IGSF10: variants seen among roughly 807,000 people sequenced by gnomAD.
The protein encoded by IGSF10 is calvaria mechanical force protein 608.
A neutral mutation model predicts 128.2 loss-of-function variants in IGSF10; 126 were observed. The observed-to-expected ratio is 0.98, with a 90% confidence interval of 0.85 to 1.14. The LOEUF is 1.14. Among genes scored for constraint, IGSF10 ranks in the 50% most tolerant of loss-of-function variants. The pLI is 0.00. For missense variants in IGSF10, 3,295 were observed against 3,149.8 expected (o/e 1.05, Z -1.10); for synonymous variants, 1,185 against 1,146.2 (o/e 1.03, Z -0.68).
At chr3:151,556,030 A>C in the IGSF10 span, among the ~76,000 whole-genome samples, 1 of 152,214 alleles carries the variant, frequency 6.6e-6, no homozygotes, top group African/African-American at 2.4e-5. Flanking sequence ...CACTACTTGT[A>C]TATGAGCAGT....
intron 7 of IGSF10, among the ~76,000 whole-genome samples, chr3:151,439,418 G>T (rs1186154384): frequency 6.6e-6 from 1 of 152,162 alleles, no homozygotes; most frequent in Non-Finnish European, 1.5e-5. Flanking sequence ...TTTGAGACTA[G>T]CCTGGCCAAC....
chr3:151,502,796 G>A, the IGSF10 span, among the ~76,000 whole-genome samples: 7 of 151,992 alleles, frequency 4.6e-5, no homozygotes, highest in African/African-American at 1.2e-4. Context: ...TAAAATCTAC[G>A]AAGAGCTAAC....
the IGSF10 span, among the ~76,000 whole-genome samples, chr3:151,497,035 T>C: frequency 3.9e-5 from 6 of 151,910 alleles, no homozygotes; most frequent in Non-Finnish European, 8.8e-5. Context: ...TGTTTTTTTC[T>C]TGTAAATTTG....
At position 151,446,680 on chromosome 3, in the gene IGSF10, C is replaced by G; in HGVS notation, c.3301G>C (p.Glu1101Gln). The G allele has an allele frequency of 2.5e-6, 4 of 1,614,058 alleles. No individual in the cohort carries two copies. The highest frequency in any genetic ancestry group is 3.4e-6 in the Non-Finnish European group (4 of 1,179,974). The change falls in exon 6 of 8, where the codon GAG becomes CAG. Residue 1101 changes from glutamate to glutamine, a missense_variant. Glu to Gln is a conservative substitution (Grantham distance 29). Transcript: ENST00000282466. ...GGATTCTGGACTAGAGTTGTAGACT[C>G]TTCTGATGGGACTCTAGCAATGTCA... is the stretch of plus-strand genomic sequence containing the variant. ...KADIARVPSE[E>Q]STTLVQNPLL...
At chr3:151,614,912 C>G in the IGSF10 span, among the ~76,000 whole-genome samples, 6 of 149,520 alleles carry the variant, frequency 4.0e-5, no homozygotes, top group Admixed American at 1.3e-4. Context: ...AAAAAAGAAG[C>G]CTGTAATGTA....
intron 3 of IGSF10, among the ~76,000 whole-genome samples, 187 bp downstream of exon 3, chr3:151,458,329 A>C (rs892816226): frequency 1.3e-5 from 2 of 152,194 alleles, no homozygotes; most frequent in African/African-American, 2.4e-5. Context: ...ACTTTCTCCT[A>C]ATAAAAGTTT....
chr3:151,612,641 A>G, the IGSF10 span, among the ~76,000 whole-genome samples: 1 of 152,228 alleles, frequency 6.6e-6, no homozygotes, highest in Admixed American at 6.5e-5. Flanking sequence ...TGATTTCCTT[A>G]TATGATACGA....
the IGSF10 span, among the ~76,000 whole-genome samples, chr3:151,487,450 A>G: frequency 6.6e-6 from 1 of 152,220 alleles, no homozygotes; most frequent in Non-Finnish European, 1.5e-5. Context: ...CAAACAATAC[A>G]AAAAGAAGGA....
At chr3:151,616,532 T>C in the IGSF10 span, among the ~76,000 whole-genome samples, 1 of 152,150 alleles carries the variant, frequency 6.6e-6, no homozygotes, top group African/African-American at 2.4e-5. Flanking sequence ...CCAAAATAAA[T>C]ACTTAGGCCC....
the IGSF10 span, among the ~76,000 whole-genome samples, chr3:151,517,277 TTA>T: frequency 3.3e-5 from 5 of 151,972 alleles, no homozygotes; most frequent in African/African-American, 1.2e-4. Flanking sequence ...CCATCAGATA[TTA>T]TAGAGATTTA....
chr3:151,512,413 A>C, the IGSF10 span, among the ~76,000 whole-genome samples: 1 of 152,222 alleles, frequency 6.6e-6, no homozygotes, highest in East Asian at 1.9e-4. Flanking sequence ...TTTGAAACCA[A>C]CGAGAACAAA....
At chr3:151,438,835 T>TAC (rs1491013557) in intron 7 of IGSF10, among the ~76,000 whole-genome samples, 2 of 119,726 alleles carry the variant, frequency 1.7e-5, no homozygotes, top group African/African-American at 6.2e-5. Context: ...TATATATATA[T>TAC]ACACATACAT....
chr3:151,531,716 C>T, the IGSF10 span, among the ~76,000 whole-genome samples: 1 of 151,934 alleles, frequency 6.6e-6, no homozygotes, highest in Non-Finnish European at 1.5e-5. Context: ...CACTAAATGT[C>T]CACAAGAGAA....
the IGSF10 span, among the ~76,000 whole-genome samples, chr3:151,591,784 A>T: frequency 6.6e-6 from 1 of 152,190 alleles, no homozygotes; most frequent in Non-Finnish European, 1.5e-5. Context: ...TCCTGGAAAG[A>T]GGAAGAATTT....
At chr3:151,467,613 G>A in the IGSF10 span, among the ~76,000 whole-genome samples, 2 of 152,014 alleles carry the variant, frequency 1.3e-5, no homozygotes, top group Non-Finnish European at 2.9e-5. Flanking sequence ...AGCCGGGCGC[G>A]GTGGCTCACG....
At chr3:151,589,963 T>A in the IGSF10 span, among the ~76,000 whole-genome samples, 6 of 152,198 alleles carry the variant, frequency 3.9e-5, no homozygotes, top group Non-Finnish European at 5.9e-5. Context: ...TTTACTTTTT[T>A]TTTAAGAATA....
At chr3:151,563,907 T>C in the IGSF10 span, among the ~76,000 whole-genome samples, 4,862 of 152,292 alleles carry the variant, frequency 0.032, 76 homozygotes, top group South Asian at 0.082. Context: ...TATATCCATT[T>C]CACAGGTGAG....
At chr3:151,517,495 G>A in the IGSF10 span, among the ~76,000 whole-genome samples, 35 of 152,114 alleles carry the variant, frequency 2.3e-4, no homozygotes, top group East Asian at 6.2e-3. Context: ...TTTGCATGCA[G>A]TCATCTTAGA....
the IGSF10 span, among the ~76,000 whole-genome samples, chr3:151,602,984 CTGT>C: frequency 6.6e-6 from 1 of 152,166 alleles, no homozygotes; most frequent in Non-Finnish European, 1.5e-5. Flanking sequence ...GTCTTGTTTT[CTGT>C]TGTTCTATTT....
Sources: allele counts gnomAD v4.1 joint callset (sites outside exome capture counted in the v4.1 genomes callset), GRCh38; gene constraint gnomAD v4.1.1; transcripts MANE v1.5; gene names NCBI Gene and HGNC (gene_info 2026-07-23, HGNC 2026-07-21).